Variants in MAPK10 observed in about 807,000 individuals in gnomAD.
MAPK10 encodes the protein JNK3 alpha protein kinase.
MAPK10 carries 25 observed loss-of-function variants against 59.3 expected under a neutral mutation model. The ratio of observed to expected loss-of-function variants is 0.42; its 90% CI spans 0.31 to 0.59. The LOEUF is 0.59. MAPK10 is among the 20% of genes least tolerant of loss of function. The pLI is 0.15. For synonymous variants in MAPK10, 190 were observed against 200.5 expected (o/e 0.95, Z 0.44); for missense variants, 351 against 568.9 (o/e 0.62, Z 3.90).
chr4:86,159,237 G>T, intron 4 of MAPK10, 61 bp downstream of exon 4: 3 of 1,282,152 alleles, frequency 2.3e-6, no homozygotes, highest in African/African-American at 1.5e-5. Context: ...TTGTGTGTTT[G>T]TGTCTAGTAG....
chr4:86,024,924 A>G (rs1749415686), intron 13 of MAPK10: 1 of 152,178 alleles, frequency 6.6e-6, no homozygotes, highest in African/African-American at 2.4e-5. Context: ...ATTTCTAGGG[A>G]TCCATAGACT....
intron 2 of MAPK10, among the ~76,000 whole-genome samples, chr4:86,343,890 G>T (rs1416389491): frequency 1.4e-5 from 1 of 70,960 alleles, no homozygotes; most frequent in Non-Finnish European, 3.7e-5. Context: ...TTCATAAAAA[G>T]ATAACTATTT....
chr4:86,561,776 A>G (rs1760699813), intron 1 of MAPK10, among the ~76,000 whole-genome samples: 1 of 152,222 alleles, frequency 6.6e-6, no homozygotes, highest in Non-Finnish European at 1.5e-5. Flanking sequence ...TGTACAGTGT[A>G]TTGGGGAGAC....
chr4:86,555,486 G>T (rs1053771468), intron 1 of MAPK10, among the ~76,000 whole-genome samples: 4 of 152,002 alleles, frequency 2.6e-5, no homozygotes, highest in Non-Finnish European at 5.9e-5. Context: ...TTTTTATTTG[G>T]GGTGCCTAGC....
intron 2 of MAPK10, among the ~76,000 whole-genome samples, chr4:86,219,597 T>A (rs1563236031): frequency 6.6e-6 from 1 of 152,144 alleles, no homozygotes; most frequent in Admixed American, 6.5e-5. Flanking sequence ...TGGAAATATA[T>A]CTCTTATTGT....
At chr4:86,551,196 C>T (rs989034419) in intron 1 of MAPK10, among the ~76,000 whole-genome samples, 1 of 152,064 alleles carries the variant, frequency 6.6e-6, no homozygotes, top group Non-Finnish European at 1.5e-5. Flanking sequence ...TATGTGTTAG[C>T]CCCTCAAATG....
intron 1 of MAPK10, among the ~76,000 whole-genome samples, chr4:86,576,581 T>C (rs2149110368): frequency 6.6e-6 from 1 of 151,072 alleles, no homozygotes. Flanking sequence ...AAGACCAGCC[T>C]GACTAACACA....
In MAPK10 at chr4:86,017,847, C is replaced by T. The variant is rs1391142896; in HGVS notation, c.1253-477G>A. Among the ~76,000 whole-genome samples, 2 of 152,084 alleles carry T rather than the reference C, an allele frequency of 1.3e-5. No homozygotes were observed. The highest frequency in any genetic ancestry group is 2.4e-5 in the African/African-American group (1 of 41,400). On this transcript the variant is annotated intron_variant, in intron 13 of 13. Transcript: ENST00000641462. This position sits in a 1 kb window ranked among gnomAD's most constrained non-coding sequence, Gnocchi z 4.4. ...AAGCTATTCTCCTGCCTCAGCCTCCCGAGTAGCTGGGAGTACAGGTGCGCA... is the reference window on the plus strand; with the variant it reads ...AAGCTATTCTCCTGCCTCAGCCTCCTGAGTAGCTGGGAGTACAGGTGCGCA...
At chr4:86,225,558 G>A (rs543912182) in intron 2 of MAPK10, among the ~76,000 whole-genome samples, 12 of 152,138 alleles carry the variant, frequency 7.9e-5, no homozygotes, top group Admixed American at 2.6e-4. Context: ...TCCTAACTGC[G>A]AATGTAACTC....
intron 6 of MAPK10, 86 bp from the exon 7 acceptor site, chr4:86,102,118 T>C (rs1004817814): frequency 2.5e-6 from 3 of 1,223,432 alleles, no homozygotes; most frequent in African/African-American, 1.5e-5. Flanking sequence ...CCTAACTCTG[T>C]AAGTCTTCTG....
At chr4:86,552,822 C>T (rs1056644807) in intron 1 of MAPK10, among the ~76,000 whole-genome samples, 1 of 152,056 alleles carries the variant, frequency 6.6e-6, no homozygotes. Context: ...GCTTGCAGCT[C>T]CCCGATAATT....
chr4:86,025,509 G>A, intron 13 of MAPK10: 1 of 398,356 alleles, frequency 2.5e-6, no homozygotes, highest in Non-Finnish European at 4.4e-6. Context: ...AAACAGAATT[G>A]AACTGAATTG....
rs2055295413 is a variant in MAPK10, at chr4:86,101,151, C to A, written c.631G>T (p.Ala211Ser). Residue 211 changes from alanine to serine, a missense_variant, in exon 8 of 14, where the codon GCC becomes TCC. This residue lies in a region of MAPK10 where 76 missense variants were observed against 197.9 expected (regional missense o/e 0.38). Transcript: ENST00000641462. ...CTLKILDFGLARTAGTSFMMT... is the reference protein window; with the variant it reads ...CTLKILDFGLSRTAGTSFMMT... ...ATGAAGCTTGTGCCTGCTGTCCTGG[C>A]CAGTCCAAAGTCCAGGATTTTCAAT... 1 of 1,613,596 alleles carries A rather than the reference C, an allele frequency of 6.2e-7. No individual in the cohort carries two copies. The highest frequency in any genetic ancestry group is 8.5e-7 in the Non-Finnish European group (1 of 1,179,732).
chr4:86,155,638 G>C (rs1357533789), intron 4 of MAPK10, among the ~76,000 whole-genome samples: 2 of 151,884 alleles, frequency 1.3e-5, no homozygotes, highest in Admixed American at 1.3e-4. Context: ...CACGGTAGGG[G>C]ATTCACAAGA....
chr4:86,210,187 T>TG (rs1054843579), intron 2 of MAPK10, among the ~76,000 whole-genome samples: 3 of 152,028 alleles, frequency 2.0e-5, no homozygotes, highest in African/African-American at 2.4e-5. Flanking sequence ...AGGAAAATTT[T>TG]GGGGAAACTC....
At chr4:86,507,843 T>G (rs1219565115) in intron 1 of MAPK10, among the ~76,000 whole-genome samples, 1 of 149,940 alleles carries the variant, frequency 6.7e-6, no homozygotes, top group Non-Finnish European at 1.5e-5. Flanking sequence ...CATGCACCAA[T>G]GCCTGATAAC....
At chr4:86,058,161 T>C (rs1476489600) in intron 11 of MAPK10, among the ~76,000 whole-genome samples, 1 of 149,856 alleles carries the variant, frequency 6.7e-6, no homozygotes, top group Admixed American at 6.6e-5. Flanking sequence ...GGATGCTTAC[T>C]TCACTTTACT....
rs142774348 is a variant in MAPK10 at position 86,449,650 on chromosome 4, A to G, written c.-122+3380T>C. Among the ~76,000 whole-genome samples the G allele has an allele frequency of 1.4e-4, 21 of 152,366 alleles. No homozygotes were observed. The East Asian group carries it at 4.1e-3, about 29-fold the overall frequency. ...CAAAGTCTCCTTCAATGTGGAGGAA[A>G]CTAGGAAACTGTGACTTGCTTTTTA... On this transcript the variant is annotated intron_variant, in intron 1 of 13. Coordinates refer to the MAPK10 transcript ENST00000361569.
intron 1 of MAPK10, among the ~76,000 whole-genome samples, chr4:86,562,027 T>A (rs1350718575): frequency 6.6e-6 from 1 of 152,208 alleles, no homozygotes; most frequent in Admixed American, 6.5e-5. Flanking sequence ...TACTTCTAAC[T>A]TCTACTTTGA....
Sources: gnomAD v4.1 joint callset for allele counts (sites outside exome capture counted in the v4.1 genomes callset) on GRCh38, gnomAD v4.1.1 for gene constraint, gnomAD v4.1.1 regional missense constraint, Gnocchi (gnomAD v3.1) non-coding constraint, MANE v1.5 for transcripts, NCBI Gene and HGNC (gene_info 2026-07-23, HGNC 2026-07-21) for gene names.